The following ZNF385D variants were observed in gnomAD, a reference collection of about 807,000 sequenced individuals.
ZNF385D encodes the protein zinc finger protein 385D.
ZNF385D carries 15 observed loss-of-function variants against 35.8 expected under a neutral mutation model. That is an observed-to-expected ratio of 0.42 (90% confidence interval 0.28 to 0.64). ZNF385D has a LOEUF of 0.64. Ranked by LOEUF, ZNF385D falls within the 30% of genes least tolerant of loss-of-function variation. The probability of loss-of-function intolerance (pLI) is 0.23; values close to 1 mark genes in which losing one functional copy is unlikely to be tolerated. For synonymous variants in ZNF385D, 212 were observed against 186.8 expected, an observed-to-expected ratio of 1.13 and a Z score of -1.10; for missense variants, 474 against 494.6, an observed-to-expected ratio of 0.96 and a Z score of 0.39.
At chr3:22,267,964 T>C (rs1047188976) in intron 2 of ZNF385D, among the ~76,000 whole-genome samples, 2 of 152,006 alleles carry the variant, frequency 1.3e-5, no homozygotes, top group Admixed American at 1.3e-4. Flanking sequence ...ATTTTGTTTT[T>C]AGTTCAAGTC....
intron 3 of ZNF385D, among the ~76,000 whole-genome samples, chr3:21,877,293 T>C (rs1331988566): frequency 1.3e-5 from 2 of 152,006 alleles, no homozygotes; most frequent in Non-Finnish European, 2.9e-5. Flanking sequence ...AAACATCGAT[T>C]ACAGCCTGAA....
chr3:22,028,148 T>C (rs1202795128), intron 3 of ZNF385D, among the ~76,000 whole-genome samples: 1 of 152,054 alleles, frequency 6.6e-6, no homozygotes, highest in Non-Finnish European at 1.5e-5. Context: ...GGTAACAAAT[T>C]TGGGGAAGAG....
intron 2 of ZNF385D, among the ~76,000 whole-genome samples, chr3:22,234,288 T>C (rs1482325127): frequency 2.0e-5 from 3 of 152,122 alleles, no homozygotes; most frequent in African/African-American, 7.2e-5. Flanking sequence ...CAGATTGTCT[T>C]AAATGCAATG....
At chr3:21,675,600 A>T (rs970075805) in intron 1 of ZNF385D, among the ~76,000 whole-genome samples, 16 of 152,084 alleles carry the variant, frequency 1.1e-4, no homozygotes, top group Admixed American at 9.2e-4. Flanking sequence ...GGTAGAGAAA[A>T]AATGTATAAA....
intron 2 of ZNF385D, among the ~76,000 whole-genome samples, chr3:22,335,986 ACT>A (rs772773285): frequency 1.3e-5 from 2 of 152,068 alleles, no homozygotes; most frequent in African/African-American, 2.4e-5. Flanking sequence ...ATGTACATGT[ACT>A]CAGTATTCAG....
chr3:21,560,620 G>T (rs1413834809), intron 3 of ZNF385D, among the ~76,000 whole-genome samples: 1 of 152,178 alleles, frequency 6.6e-6, no homozygotes, highest in Non-Finnish European at 1.5e-5. Flanking sequence ...AGACATGGGG[G>T]TCAGGGACCC....
In ZNF385D at chr3:21,663,890, A is replaced by AATATATATATATAT. The variant is rs66691637; in HGVS notation, c.165+982_165+995dup. Among the ~76,000 whole-genome samples the AATATATATATATAT allele has an allele frequency of 7.6e-3, 486 of 64,308 alleles. 14 individuals are homozygous for AATATATATATATAT. The highest frequency in any genetic ancestry group is 0.019 in the Middle Eastern group (2 of 108). 42.2% of individuals were successfully genotyped at this position (64,308 alleles called of 152,430 possible). ...TGAAGAATTATTTAATTGTGGGCCG[A>AATATATATATATAT]ATATATATATATATATATATATATA... is the stretch of plus-strand genomic sequence containing the variant. On this transcript the variant is annotated intron_variant, in intron 2 of 7. Coordinates refer to ENST00000281523, the MANE Select transcript of ZNF385D (RefSeq NM_024697.3).
intron 2 of ZNF385D, among the ~76,000 whole-genome samples, chr3:22,324,652 T>C (rs1290244018): frequency 2.0e-5 from 3 of 152,084 alleles, no homozygotes. Flanking sequence ...CCAATCAAAA[T>C]CTCAACAGTA....
intron 2 of ZNF385D, among the ~76,000 whole-genome samples, chr3:22,176,111 G>A (rs1027646585): frequency 4.7e-5 from 7 of 148,028 alleles, no homozygotes; most frequent in Non-Finnish European, 7.4e-5. Flanking sequence ...TACAGCATCT[G>A]GAAATTCCCA....
chr3:21,787,620 C>A (rs757433610), intron 3 of ZNF385D, among the ~76,000 whole-genome samples: 3 of 151,988 alleles, frequency 2.0e-5, no homozygotes, highest in African/African-American at 4.8e-5. Flanking sequence ...AGCTTCCTAC[C>A]CAATCACCCT....
At chr3:22,163,067 T>C (rs1706075749) in intron 3 of ZNF385D, among the ~76,000 whole-genome samples, 1 of 152,124 alleles carries the variant, frequency 6.6e-6, no homozygotes, top group Non-Finnish European at 1.5e-5. Context: ...CTACCCACTT[T>C]TGAGGCAAGG....
chr3:21,712,930 T>C (rs1013146230), intron 1 of ZNF385D, among the ~76,000 whole-genome samples: 1 of 152,160 alleles, frequency 6.6e-6, no homozygotes, highest in Non-Finnish European at 1.5e-5. Context: ...TCTCAACCCA[T>C]CACACACACA....
intron 3 of ZNF385D, among the ~76,000 whole-genome samples, chr3:22,021,990 T>C (rs1422932275): frequency 1.3e-5 from 2 of 152,088 alleles, no homozygotes; most frequent in African/African-American, 2.4e-5. Context: ...TCCCCATCCA[T>C]GCCAGGGCAC....
intron 3 of ZNF385D, among the ~76,000 whole-genome samples, chr3:21,867,658 T>C (rs1051982448): frequency 6.6e-6 from 1 of 152,152 alleles, no homozygotes; most frequent in Non-Finnish European, 1.5e-5. Context: ...ATGACTACTT[T>C]TAAATGATTT....
intron 3 of ZNF385D, among the ~76,000 whole-genome samples, chr3:22,086,203 G>A (rs2125592530): frequency 6.6e-6 from 1 of 152,212 alleles, no homozygotes; most frequent in Admixed American, 6.5e-5. Flanking sequence ...TTCTGGCCAG[G>A]GCAATCAGGC....
intron 2 of ZNF385D, among the ~76,000 whole-genome samples, chr3:21,660,416 G>A (rs921470639): frequency 1.3e-5 from 2 of 152,100 alleles, no homozygotes; most frequent in African/African-American, 4.8e-5. Flanking sequence ...CAGGAAGTCA[G>A]TTTTCCTCAT....
chr3:21,566,913 G>GTAT (rs1435683888), intron 2 of ZNF385D, among the ~76,000 whole-genome samples: 2 of 152,074 alleles, frequency 1.3e-5, no homozygotes, highest in African/African-American at 4.8e-5. Context: ...TTCTGTCTCA[G>GTAT]TATTTTGCCA....
intron 2 of ZNF385D, among the ~76,000 whole-genome samples, chr3:22,194,662 T>C (rs185942843): frequency 6.6e-6 from 1 of 152,048 alleles, no homozygotes; most frequent in East Asian, 1.9e-4. Context: ...TATTCATTTG[T>C]AGGCATACCC....
intron 3 of ZNF385D, among the ~76,000 whole-genome samples, chr3:22,001,085 A>C (rs1695815534): frequency 6.6e-6 from 1 of 152,148 alleles, no homozygotes; most frequent in Non-Finnish European, 1.5e-5. Flanking sequence ...AAAAGGAACA[A>C]AAGACATACA....
Sources: gnomAD v4.1 joint callset for allele counts (sites outside exome capture counted in the v4.1 genomes callset) on GRCh38, gnomAD v4.1.1 for gene constraint, MANE v1.5 for transcripts, NCBI Gene and HGNC (gene_info 2026-07-23, HGNC 2026-07-21) for gene names.